Variants in RFXANK observed in about 807,000 individuals in gnomAD.
RFXANK encodes regulatory factor X associated ankyrin containing protein, also known as DNA-binding protein RFXANK.
RFXANK carries 19 observed loss-of-function variants against 34.5 expected under a neutral mutation model. That is an observed-to-expected ratio of 0.55 (90% confidence interval 0.38 to 0.81). The LOEUF (loss-of-function observed/expected upper bound fraction) is 0.81. RFXANK is among the 30% of genes least tolerant of loss of function. The pLI is 0.00. For synonymous variants in RFXANK, 154 were observed against 149.8 expected, an observed-to-expected ratio of 1.03 and a Z score of -0.20; for missense variants, 295 against 343.5, an observed-to-expected ratio of 0.86 and a Z score of 1.12.
intron 9 of RFXANK, 123 bp from the exon 10 acceptor site, chr19:19,201,526 C>T (rs889602864): frequency 1.4e-5 from 22 of 1,602,476 alleles, no homozygotes; most frequent in Middle Eastern, 1.6e-4. Context: ...CAGCTTTGCT[C>T]TGTAATGCAG....
chr19:19,194,447 G>T (rs1218775582), intron 3 of RFXANK, among the ~76,000 whole-genome samples: 10 of 152,126 alleles, frequency 6.6e-5, no homozygotes. Flanking sequence ...TGTTGGCCAG[G>T]CTGGTCTTGA....
At position 19,197,565 on chromosome 19, in the gene RFXANK, C is replaced by A; in HGVS notation, c.382C>A (p.Leu128Ile). The A allele has an allele frequency of 2.5e-6, 4 of 1,613,954 alleles. No homozygotes were observed. The highest frequency in any genetic ancestry group is 3.4e-6 in the Non-Finnish European group (4 of 1,180,030). Residue 128 changes from leucine (L) to isoleucine (I), a missense_variant, in exon 6 of 10, where the codon CTC becomes ATC. Physicochemically the swap from Leu to Ile is conservative, Grantham distance 5. Transcript: ENST00000303088. ...GCCAGACGAGCGCGGCTTCACCCCC[C>A]TCATCTGGGCCTCCGCCTTTGGAGA... ...NKPDERGFTP[L>I]IWASAFGEIE...
At position 19,192,970 on chromosome 19, in the gene RFXANK, A is replaced by G. The variant is rs2060515832; in HGVS notation, c.-139A>G. On this transcript the variant is annotated 5_prime_UTR_variant, in exon 2 of 10. Coordinates refer to ENST00000303088, the MANE Select transcript of RFXANK (RefSeq NM_003721.4). Reference sequence around the variant, plus strand: ...TTTCTGTCCCGGCAGAGGAAGCCAGATCGCTGAGGGTCCGGTCTCCAGTTT... The same window carrying G: ...TTTCTGTCCCGGCAGAGGAAGCCAGGTCGCTGAGGGTCCGGTCTCCAGTTT... 3 of 152,470 alleles carry G rather than the reference A, an allele frequency of 2.0e-5. No individual in the cohort carries two copies. Among genetic ancestry groups the G allele is most frequent in the South Asian group, 4.1e-4 (2 of 4,850 alleles). The allele number at this position is 152,470 out of a possible 1,614,324, so 9.4% of individuals were successfully genotyped here.
chr19:19,194,671 A>T (rs1280555529), intron 3 of RFXANK, among the ~76,000 whole-genome samples: 1 of 150,600 alleles, frequency 6.6e-6, no homozygotes, highest in Non-Finnish European at 1.5e-5. Context: ...GACTATAGGC[A>T]TGCAACCACA....
At chr19:19,194,191 C>G in intron 3 of RFXANK, 58 bp downstream of exon 3, 1 of 1,521,604 alleles carries the variant, frequency 6.6e-7, no homozygotes, top group Non-Finnish European at 9.1e-7. Context: ...GAATGTCAGG[C>G]CTCACATGGA....
intron 9 of RFXANK, among the ~76,000 whole-genome samples, chr19:19,199,493 G>C (rs2060661380): frequency 1.3e-5 from 2 of 152,168 alleles, no homozygotes; most frequent in African/African-American, 4.8e-5. Context: ...GAGGCCGAAA[G>C]AGGGGCCTCT....
chr19:19,201,578 C>T, intron 9 of RFXANK, 71 bp from the exon 10 acceptor site: 1 of 1,611,358 alleles, frequency 6.2e-7, no homozygotes, highest in South Asian at 1.1e-5. Context: ...GGGGAGAGCG[C>T]AGGTTGGCCT....
At chr19:19,198,900 T>A (rs1466504445) in intron 8 of RFXANK, 177 bp downstream of exon 8, 1 of 778,988 alleles carries the variant, frequency 1.3e-6, no homozygotes, top group Admixed American at 2.0e-5. Context: ...CACACGGGAG[T>A]CGGGGTCTGG....
intron 8 of RFXANK, 25 bp from the exon 9 acceptor site, chr19:19,199,129 C>T (rs1041541374): frequency 6.2e-7 from 1 of 1,611,058 alleles, no homozygotes; most frequent in African/African-American, 1.3e-5. Flanking sequence ...CCCCACCCTC[C>T]AGCGCCCTCC....
Position 19,192,403 on chromosome 19 carries a change from C to T in RFXANK, c.-301C>T. On this transcript the variant is annotated 5_prime_UTR_variant, in exon 1 of 10. Transcript: ENST00000303088. ...GGGAAGAACTCTCTCCCTTTCTGAA[C>T]CCCCTTTTCCTTGAGAGACGAGTTG... The T allele has an allele frequency of 1.8e-6, 1 of 542,214 alleles. No homozygotes were observed. Among genetic ancestry groups the T allele is most frequent in the Non-Finnish European group, 3.3e-6 (1 of 302,160 alleles). The allele number at this position is 542,214 out of a possible 1,614,324, so 33.6% of individuals were successfully genotyped here.
At chr19:19,199,266 G>A (rs773172279) in intron 9 of RFXANK, 32 bp downstream of exon 9, 1 of 1,607,150 alleles carries the variant, frequency 6.2e-7, no homozygotes, top group South Asian at 1.1e-5. Context: ...CAGGGGTGGG[G>A]TCCCTTCCAT....
chr19:19,193,994 C>A lies in RFXANK; in HGVS notation c.48C>A (p.Thr16=). The change falls in exon 3 of 10, where the codon ACC becomes ACA. Residue 16 remains threonine (T), a synonymous_variant. Coordinates refer to ENST00000303088, the MANE Select transcript of RFXANK (RefSeq NM_003721.4). ...AAGACCTCATCCAGACCCAGCAGAC[C>A]CCTGCCTCAGAACTTGGGGACCCTG... ...PAEDLIQTQQ[T]PASELGDPED... The A allele has an allele frequency of 1.2e-6, 2 of 1,614,238 alleles. No homozygotes were observed. Among genetic ancestry groups the A allele is most frequent in the East Asian group, 2.2e-5 (1 of 44,890 alleles).
At chr19:19,194,669 G>A in intron 3 of RFXANK, among the ~76,000 whole-genome samples, 1 of 151,640 alleles carries the variant, frequency 6.6e-6, no homozygotes, top group Admixed American at 6.6e-5. Context: ...GGGACTATAG[G>A]CATGCAACCA....
In RFXANK at chr19:19,197,001, C is replaced by G; in HGVS notation, c.226C>G (p.Arg76Gly). The G allele has an allele frequency of 4.3e-6, 7 of 1,613,312 alleles. No individual in the cohort carries two copies. The highest frequency in any genetic ancestry group is 5.9e-6 in the Non-Finnish European group (7 of 1,180,018). ...SLKHSTTLTN[R>G]QRGNEVSALP... is the part of the protein sequence containing the mutation. Reference sequence around the variant, plus strand: ...GAAGCACTCCACCACTCTCACCAACCGGCAGCGAGGGAACGAGGTGTCAGC... The same window carrying G: ...GAAGCACTCCACCACTCTCACCAACGGGCAGCGAGGGAACGAGGTGTCAGC... Residue 76 changes from arginine to glycine, a missense_variant, in exon 4 of 10, where the codon CGG becomes GGG. Physicochemically the swap from Arg to Gly is moderately radical, Grantham distance 125. Coordinates refer to ENST00000303088, the MANE Select transcript of RFXANK (RefSeq NM_003721.4).
intron 2 of RFXANK, 99 bp from the exon 3 acceptor site, chr19:19,193,840 C>G (rs2060544158): frequency 2.2e-6 from 3 of 1,364,148 alleles, no homozygotes; most frequent in Non-Finnish European, 3.1e-6. Flanking sequence ...CCTCAGTTTA[C>G]CCACCCTCAC....
chr19:19,194,122 C>T lies in RFXANK; in HGVS notation c.176C>T (p.Ser59Phe). The T allele has an allele frequency of 6.2e-7, 1 of 1,614,200 alleles. No homozygotes were observed. The highest frequency in any genetic ancestry group is 8.5e-7 in the Non-Finnish European group (1 of 1,180,024). The change falls in exon 3 of 10, where the codon TCC becomes TTC. Residue 59 changes from serine to phenylalanine, a missense_variant. Transcript: ENST00000303088. ...AATCCTGAACCGGATGCCAGTGTTT[C>T]CTCTCCACAGGGTAGGATACCTCCT... ...PVNPEPDASVSSPQAGSSLKH... is the reference protein window; with the variant it reads ...PVNPEPDASVFSPQAGSSLKH...
rs1599768953 is a variant in RFXANK, at chr19:19,192,356, A to G, written c.-348A>G. The G allele has an allele frequency of 3.4e-6, 2 of 587,108 alleles. No homozygotes were observed. The highest frequency in any genetic ancestry group is 4.1e-5 in the South Asian group (2 of 48,914). The allele number at this position is 587,108 out of a possible 1,614,324, so 36.4% of individuals were successfully genotyped here. A position where few individuals can be genotyped will look rare whatever the true frequency, so the allele number is the denominator to read the frequency against. ...GGCGCGACGGCCAGGAGGCTGGTGG[A>G]GCGACACCCAGGCAGGAGAGGGGGA... On this transcript the variant is annotated 5_prime_UTR_variant, in exon 1 of 10. Coordinates refer to ENST00000303088, the MANE Select transcript of RFXANK (RefSeq NM_003721.4).
intron 2 of RFXANK, among the ~76,000 whole-genome samples, 174 bp from the exon 3 acceptor site, chr19:19,193,765 A>G (rs543751279): frequency 3.9e-5 from 6 of 152,248 alleles, no homozygotes; most frequent in African/African-American, 1.4e-4. Context: ...GTGGTGGGGA[A>G]TGGTAGACCT....
intron 3 of RFXANK, among the ~76,000 whole-genome samples, chr19:19,196,693 C>T (rs1427379438): frequency 1.3e-5 from 2 of 151,964 alleles, no homozygotes; most frequent in East Asian, 1.9e-4. Flanking sequence ...AGCGAAACCC[C>T]GTCTCTACTT....
Sources: gnomAD v4.1 joint callset for allele counts (sites outside exome capture counted in the v4.1 genomes callset) on GRCh38, gnomAD v4.1.1 for gene constraint, MANE v1.5 for transcripts, NCBI Gene and HGNC (gene_info 2026-07-23, HGNC 2026-07-21) for gene names.